Variants in TBC1D9B observed in about 807,000 individuals in gnomAD.
TBC1D9B encodes the protein TBC1 domain family, member 9B (with GRAM domain).
TBC1D9B carries 87 observed loss-of-function variants against 121.1 expected under a neutral mutation model. That is an observed-to-expected ratio of 0.72 (90% CI 0.60 to 0.86). TBC1D9B has a LOEUF of 0.86. Ranked by LOEUF, TBC1D9B falls within the 40% of genes least tolerant of loss-of-function variation. The pLI, the probability that TBC1D9B is intolerant of heterozygous loss-of-function variation, is 0.00. For synonymous variants in TBC1D9B, 668 were observed against 670.1 expected, an observed-to-expected ratio of 1.00 and a Z score of 0.05; for missense variants, 1,540 against 1,628.6, an observed-to-expected ratio of 0.95 and a Z score of 0.94.
rs200788247 is a variant in TBC1D9B, at chr5:179,865,335, G to A, written c.2940C>T (p.Asp980=). Residue 980 remains aspartate, a synonymous_variant, in exon 20 of 21, where the codon GAC becomes GAT. Coordinates refer to ENST00000355235, the MANE Select transcript of TBC1D9B (RefSeq NM_015043.4). This position sits in a 1 kb window ranked among gnomAD's most constrained non-coding sequence, Gnocchi z 5.1. ...CCCACATTCGAAGGTAGTGCCGATA[G>A]TCCGGAGAGCTGGTCCCCTTCTCCT... is the stretch of plus-strand genomic sequence containing the variant. ...RGEEKGTSSP[D]YRHYLRMWAK... 143 of 1,613,964 alleles carry A rather than the reference G, an allele frequency of 8.9e-5. 1 individual carries two copies. Among genetic ancestry groups the A allele is most frequent in the Non-Finnish European group, 1.1e-4 (126 of 1,180,044 alleles).
chr5:179,887,750 C>T (rs537335198), intron 7 of TBC1D9B: 56 of 310,708 alleles, frequency 1.8e-4, no homozygotes, highest in African/African-American at 3.6e-4. Context: ...TCAGCCTGAA[C>T]GCCTGGCAGG....
At chr5:179,899,938 T>C (rs1248244198) in intron 2 of TBC1D9B, among the ~76,000 whole-genome samples, 1 of 151,646 alleles carries the variant, frequency 6.6e-6, no homozygotes, top group Non-Finnish European at 1.5e-5. Flanking sequence ...TTAAAAAAAA[T>C]GTAGAGAAAA....
At chr5:179,886,642 G>A (rs531903879) in intron 7 of TBC1D9B, among the ~76,000 whole-genome samples, 2 of 152,276 alleles carry the variant, frequency 1.3e-5, no homozygotes, top group South Asian at 2.1e-4. Flanking sequence ...GGTCTGCCTG[G>A]GCCAGACCAC....
At position 179,887,834 on chromosome 5, in the gene TBC1D9B, A is replaced by G. The variant is rs144493341; in HGVS notation, c.1254+269T>C. The G allele has an allele frequency of 9.2e-4, 484 of 528,296 alleles. 2 individuals carry two copies. Among genetic ancestry groups the G allele is most frequent in the African/African-American group, 8.7e-3 (457 of 52,484 alleles). The allele number at this position is 528,296 out of a possible 1,614,324, so 32.7% of individuals were successfully genotyped here. ...TTTGCTCTGAGTGCAGCAGCAATGC[A>G]GAAAGGACAGCCAGAGAAGGTTCCT... On this transcript the variant is annotated intron_variant, in intron 7 of 20. Coordinates refer to ENST00000355235, the MANE Select transcript of TBC1D9B (RefSeq NM_015043.4).
At chr5:179,880,374 G>A (rs562303529) in intron 7 of TBC1D9B, among the ~76,000 whole-genome samples, 1 of 152,236 alleles carries the variant, frequency 6.6e-6, no homozygotes, top group Non-Finnish European at 1.5e-5. Context: ...AAAGTCCAGT[G>A]GGGGAGAGCC....
chr5:179,878,748 C>T (rs779512554), intron 9 of TBC1D9B, among the ~76,000 whole-genome samples: 1 of 152,200 alleles, frequency 6.6e-6, no homozygotes, highest in Non-Finnish European at 1.5e-5. Flanking sequence ...TGAATGCTGT[C>T]AGAGCCTGTC....
chr5:179,906,255 G>A (rs1359286553), intron 1 of TBC1D9B, among the ~76,000 whole-genome samples: 1 of 152,174 alleles, frequency 6.6e-6, no homozygotes, highest in Non-Finnish European at 1.5e-5. Flanking sequence ...GGCACAGCAG[G>A]ACACACCAAA....
In TBC1D9B at chr5:179,907,073, AAAG is replaced by A. The variant is rs1389910240; in HGVS notation, c.118+628_118+630del. On this transcript the variant is annotated intron_variant, in intron 1 of 20. Coordinates refer to ENST00000355235, the MANE Select transcript of TBC1D9B (RefSeq NM_015043.4). This position sits in a 1 kb window ranked among gnomAD's most constrained non-coding sequence, Gnocchi z 5.3. ...GTGTGATGGTGGCACCCGGGCCCAC[AAAG>A]GGCCACCTTGGCGAGCTTGCAGGAA... is the stretch of plus-strand genomic sequence containing the variant. Among the ~76,000 whole-genome samples the A allele has an allele frequency of 2.0e-5, 3 of 152,122 alleles. No homozygotes were observed. Among genetic ancestry groups the A allele is most frequent in the African/African-American group, 7.2e-5 (3 of 41,428 alleles).
At chr5:179,872,434 G>A (rs1278808462) in intron 14 of TBC1D9B, 5 of 174,530 alleles carry the variant, frequency 2.9e-5, no homozygotes, top group African/African-American at 1.2e-4. Flanking sequence ...GGAAGTCCCT[G>A]CCTTTGGGGG....
At position 179,907,860 on chromosome 5, in the gene TBC1D9B, G is replaced by A. The variant is rs1266376331; in HGVS notation, c.-39C>T. ...GCACCGGGCCGAGGCCCGCGAGACG[G>A]AAGCGCCCGCCGCCGTCGGCGTCCC... On this transcript the variant is annotated 5_prime_UTR_variant, in exon 1 of 21. Coordinates refer to ENST00000355235, the MANE Select transcript of TBC1D9B (RefSeq NM_015043.4). This position sits in a 1 kb window ranked among gnomAD's most constrained non-coding sequence, Gnocchi z 5.3. The A allele has an allele frequency of 2.0e-6, 2 of 1,008,262 alleles. No homozygotes were observed. Among genetic ancestry groups the A allele is most frequent in the Admixed American group, 5.8e-5 (1 of 17,366 alleles). 62.5% of individuals were successfully genotyped at this position (1,008,262 alleles called of 1,614,324 possible).
intron 10 of TBC1D9B, among the ~76,000 whole-genome samples, chr5:179,877,008 C>G (rs945571427): frequency 2.1e-5 from 3 of 142,198 alleles, no homozygotes; most frequent in African/African-American, 8.1e-5. Context: ...TAGGTGGAGG[C>G]TGCAGTGAGC....
intron 7 of TBC1D9B, 23 bp downstream of exon 7, chr5:179,888,080 G>C: frequency 6.2e-7 from 1 of 1,612,536 alleles, no homozygotes; most frequent in Non-Finnish European, 8.5e-7. Context: ...ACTCGACCCT[G>C]CTGCTCCCAA....
chr5:179,867,682 A>T (rs1307076445), intron 18 of TBC1D9B, 96 bp downstream of exon 18: 3 of 1,565,450 alleles, frequency 1.9e-6, no homozygotes, highest in East Asian at 2.3e-5. Flanking sequence ...CCCTGAGCCC[A>T]GGTGGGACTG....
intron 15 of TBC1D9B, among the ~76,000 whole-genome samples, chr5:179,871,217 G>A (rs1760187131): frequency 6.6e-6 from 1 of 152,170 alleles, no homozygotes; most frequent in African/African-American, 2.4e-5. Flanking sequence ...TCCCTCTTCT[G>A]TGTAAGATGA....
In TBC1D9B at chr5:179,874,647, C is replaced by G. The variant is rs939051092; in HGVS notation, c.2186+255G>C. On this transcript the variant is annotated intron_variant, in intron 12 of 20. Transcript: ENST00000355235. This position sits in a 1 kb window ranked among gnomAD's most constrained non-coding sequence, Gnocchi z 4.3. ...GCCCTCAGGGGAAGCATCTCCAACCCTACATCTGAGCGGTGGCCCTCCAGC... is the reference window on the plus strand; with the variant it reads ...GCCCTCAGGGGAAGCATCTCCAACCGTACATCTGAGCGGTGGCCCTCCAGC... Among the ~76,000 whole-genome samples the G allele has an allele frequency of 6.6e-6, 1 of 152,202 alleles. No homozygotes were observed. Among genetic ancestry groups the G allele is most frequent in the Non-Finnish European group, 1.5e-5 (1 of 68,030 alleles).
chr5:179,870,769 T>C (rs1415664332), intron 15 of TBC1D9B: 3 of 463,108 alleles, frequency 6.5e-6, no homozygotes, highest in East Asian at 3.7e-5. Flanking sequence ...GGGCTGAGCC[T>C]TCCTGGCAGG....
rs1759989798 is a variant in TBC1D9B at position 179,865,788 on chromosome 5, G to A, written c.2914+50C>T. 1 of 1,539,422 alleles carries A rather than the reference G, an allele frequency of 6.5e-7. No individual in the cohort carries two copies. Among genetic ancestry groups the A allele is most frequent in the South Asian group, 1.3e-5 (1 of 78,686 alleles). ...CTGGGGAAAAGACCAGCAAGCAAGG[G>A]TGCCTCAACGCTGGGGTCTCTAAGA... is the stretch of plus-strand genomic sequence containing the variant. On this transcript the variant is annotated intron_variant, in intron 19 of 20. Transcript: ENST00000355235. The surrounding 1 kb of genome is among the most constrained non-coding windows in gnomAD (Gnocchi z 5.1).
At position 179,879,085 on chromosome 5, in the gene TBC1D9B, GGGATACCCTTCA is replaced by G; in HGVS notation, c.1517_1528del (p.Leu506_Ile509del). On this transcript the variant is annotated inframe_deletion, in exon 9 of 21. Coordinates refer to ENST00000355235, the MANE Select transcript of TBC1D9B (RefSeq NM_015043.4). ...CCACAGCTCTCCCCGGAGGCTCTCA[GGGATACCCTTCA>G]GGACCAGTGCCCGCGTCTTGGCTGT... The G allele has an allele frequency of 6.2e-7, 1 of 1,606,254 alleles. No homozygotes were observed. Among genetic ancestry groups the G allele is most frequent in the South Asian group, 1.1e-5 (1 of 91,058 alleles).
Position 179,907,764 on chromosome 5 carries a change from C to T in TBC1D9B, c.58G>A (p.Ala20Thr). The T allele has an allele frequency of 2.5e-6, 3 of 1,222,974 alleles. No homozygotes were observed. The highest frequency in any genetic ancestry group is 2.9e-5 in the South Asian group (2 of 69,256). 75.8% of individuals were successfully genotyped at this position (1,222,974 alleles called of 1,614,324 possible). Residue 20 changes from alanine (A) to threonine (T), a missense_variant, in exon 1 of 21, where the codon GCC becomes ACC. Transcript: ENST00000355235. This position sits in a 1 kb window ranked among gnomAD's most constrained non-coding sequence, Gnocchi z 5.3. ...VANALWVTER[A>T]NPFFVLQRRR... is the part of the protein sequence containing the mutation. ...CGCTGCAGCACGAAGAAGGGGTTGGCCCGCTCCGTCACCCACAGCGCATTG... is the reference window on the plus strand; with the variant it reads ...CGCTGCAGCACGAAGAAGGGGTTGGTCCGCTCCGTCACCCACAGCGCATTG...
Sources: allele counts gnomAD v4.1 joint callset (sites outside exome capture counted in the v4.1 genomes callset), GRCh38; gene constraint gnomAD v4.1.1; non-coding constraint Gnocchi (gnomAD v3.1); transcripts MANE v1.5; gene names NCBI Gene and HGNC (gene_info 2026-07-23, HGNC 2026-07-21).